Variants in HIPK2 observed in about 807,000 individuals in gnomAD.
The protein encoded by HIPK2 is homeodomain-interacting protein kinase 2.
HIPK2 carries 27 observed loss-of-function variants against 113.7 expected under a neutral mutation model. The ratio of observed to expected loss-of-function variants is 0.24; its 90% CI spans 0.17 to 0.33. The LOEUF is 0.33. Ranked by LOEUF, HIPK2 falls within the 10% of genes least tolerant of loss-of-function variation. HIPK2 has a pLI of 1.00. For missense variants in HIPK2, 1,257 were observed against 1,588.0 expected (o/e 0.79, Z 3.54); for synonymous variants, 631 against 642.2 (o/e 0.98, Z 0.26).
At position 139,573,182 on chromosome 7, in the gene HIPK2, G is replaced by A. The variant is rs1448858748; in HGVS notation, c.3342C>T (p.Thr1114=). The A allele has an allele frequency of 2.5e-6, 4 of 1,608,726 alleles. No homozygotes were observed. The highest frequency in any genetic ancestry group is 2.2e-5 in the South Asian group (2 of 90,936). ...AGGCCACCAGGTGGGCCACGGTGCC[G>A]GTGGAGCCCAGGGCCGCCGGCGCAG... ...TYTAPAALGS[T]GTVAHLVASQ... Residue 1114 remains threonine (T), a synonymous_variant, in exon 15 of 15, where the codon ACC becomes ACT. Transcript: ENST00000406875.
chr7:139,758,516 T>G (rs1050982352), intron 1 of HIPK2, among the ~76,000 whole-genome samples: 22 of 152,200 alleles, frequency 1.4e-4, no homozygotes, highest in Admixed American at 1.2e-3. Flanking sequence ...CTAGTACCAG[T>G]TCTGGCCTGT....
At chr7:139,712,193 T>C (rs1004876380) in intron 2 of HIPK2, among the ~76,000 whole-genome samples, 1 of 152,210 alleles carries the variant, frequency 6.6e-6, no homozygotes, top group Non-Finnish European at 1.5e-5. Flanking sequence ...CAGCCTTTGT[T>C]TCCTGAAAAA....
intron 1 of HIPK2, among the ~76,000 whole-genome samples, chr7:139,775,015 G>C (rs1412025702): frequency 3.3e-5 from 5 of 152,188 alleles, no homozygotes; most frequent in African/African-American, 1.2e-4. Flanking sequence ...TGGCGGTTCA[G>C]AACGCTCCAT....
At chr7:139,590,041 TA>T (rs1798964427) in intron 12 of HIPK2, among the ~76,000 whole-genome samples, 1 of 152,228 alleles carries the variant, frequency 6.6e-6, no homozygotes, top group Admixed American at 6.5e-5. Flanking sequence ...GGGAAGCTGT[TA>T]AATGAGTCAC....
intron 1 of HIPK2, among the ~76,000 whole-genome samples, chr7:139,770,758 T>C (rs1796636643): frequency 6.6e-6 from 1 of 152,244 alleles, no homozygotes; most frequent in Non-Finnish European, 1.5e-5. Context: ...TCAATCTTAA[T>C]TCTGCTTAAA....
In HIPK2 at chr7:139,610,186, G is replaced by A. The variant is rs144438409; in HGVS notation, c.2112+3016C>T. 8.2e-3 allele frequency among the ~76,000 whole-genome samples: 1,250 copies of A among 152,312 alleles called. 9 individuals carry two copies. Among genetic ancestry groups the A allele is most frequent in the Non-Finnish European group, 0.012 (844 of 68,018 alleles). On this transcript the variant is annotated intron_variant, in intron 9 of 14. Transcript: ENST00000406875. ...TACTGGTTCCACCAAACTGAACAAC[G>A]AAGAATCCCTATTTTGGCTAATAAG...
intron 12 of HIPK2, among the ~76,000 whole-genome samples, chr7:139,585,229 G>A (rs1475574305): frequency 5.9e-5 from 9 of 152,162 alleles, no homozygotes; most frequent in Non-Finnish European, 1.2e-4. Flanking sequence ...TCTTGTTTGA[G>A]GCCACACAGC....
intron 2 of HIPK2, among the ~76,000 whole-genome samples, chr7:139,650,524 T>A (rs893618352): frequency 6.6e-6 from 1 of 151,638 alleles, no homozygotes; most frequent in Non-Finnish European, 1.5e-5. Context: ...AGGGACCGAC[T>A]GAGGGTTGTG....
chr7:139,593,787 G>A (rs144042805), intron 12 of HIPK2, among the ~76,000 whole-genome samples: 6 of 152,326 alleles, frequency 3.9e-5, no homozygotes, highest in Admixed American at 1.3e-4. Context: ...AATCAGGCTC[G>A]AGAACAAGGA....
chr7:139,686,453 C>T (rs1389639067), intron 2 of HIPK2, among the ~76,000 whole-genome samples: 2 of 152,156 alleles, frequency 1.3e-5, no homozygotes, highest in African/African-American at 4.8e-5. Context: ...TTGTAGTTCC[C>T]ATCATCCCCA....
chr7:139,688,791 T>G (rs748575944), intron 2 of HIPK2, among the ~76,000 whole-genome samples: 21 of 152,038 alleles, frequency 1.4e-4, no homozygotes, highest in Non-Finnish European at 2.8e-4. Context: ...CAGCAAAACT[T>G]AAAAATACTA....
At chr7:139,695,190 A>G (rs1469869000) in intron 2 of HIPK2, among the ~76,000 whole-genome samples, 1 of 152,238 alleles carries the variant, frequency 6.6e-6, no homozygotes, top group Admixed American at 6.5e-5. Flanking sequence ...TAATATTCAT[A>G]CTGTCTCCCA....
intron 1 of HIPK2, among the ~76,000 whole-genome samples, chr7:139,775,025 T>C (rs1165993961): frequency 6.6e-6 from 1 of 152,240 alleles, no homozygotes; most frequent in Non-Finnish European, 1.5e-5. Flanking sequence ...GAACGCTCCA[T>C]TAATGTATCT....
intron 1 of HIPK2, among the ~76,000 whole-genome samples, chr7:139,727,935 ATTTTTTT>A (rs10524758): frequency 7.7e-5 from 9 of 116,664 alleles, no homozygotes; most frequent in African/African-American, 1.3e-4. Flanking sequence ...GCATTGGCTA[ATTTTTTT>A]TTTTTTTTTT....
At chr7:139,647,687 G>T (rs1225121894) in intron 2 of HIPK2, among the ~76,000 whole-genome samples, 1 of 152,134 alleles carries the variant, frequency 6.6e-6, no homozygotes, top group African/African-American at 2.4e-5. Context: ...ACCTGAAGAA[G>T]AAGAGAGAAT....
intron 1 of HIPK2, among the ~76,000 whole-genome samples, chr7:139,763,091 G>A (rs1796494767): frequency 6.6e-6 from 1 of 152,174 alleles, no homozygotes; most frequent in Non-Finnish European, 1.5e-5. Flanking sequence ...GCTGAAGCAG[G>A]AAACAGCTGG....
chr7:139,676,139 T>G (rs1358160001), intron 2 of HIPK2, among the ~76,000 whole-genome samples: 1 of 152,234 alleles, frequency 6.6e-6, no homozygotes, highest in East Asian at 1.9e-4. Context: ...AAACAAATAC[T>G]AAGTCTTTTC....
intron 2 of HIPK2, among the ~76,000 whole-genome samples, chr7:139,709,258 T>C (rs1794994568): frequency 1.3e-5 from 2 of 152,116 alleles, no homozygotes; most frequent in Non-Finnish European, 1.5e-5. Context: ...ACTAGAACCT[T>C]CTCCTGTTGT....
chr7:139,766,982 G>A (rs1030061618), intron 1 of HIPK2, among the ~76,000 whole-genome samples: 3 of 152,172 alleles, frequency 2.0e-5, no homozygotes, highest in Non-Finnish European at 1.5e-5. Context: ...AGAGGAAGTC[G>A]GAGGCTGGAT....
Sources: gnomAD v4.1 joint callset for allele counts (sites outside exome capture counted in the v4.1 genomes callset) on GRCh38, gnomAD v4.1.1 for gene constraint, MANE v1.5 for transcripts, NCBI Gene and HGNC (gene_info 2026-07-23, HGNC 2026-07-21) for gene names.